Variants in SEMA3D observed in about 807,000 individuals in gnomAD.
The protein encoded by SEMA3D is semaphorin 3D.
A neutral mutation model predicts 100.1 loss-of-function variants in SEMA3D; 84 were observed. The observed-to-expected ratio is 0.84, with a 90% CI of 0.70 to 1.01. The LOEUF (loss-of-function observed/expected upper bound fraction) is 1.01, where lower values mean the gene tolerates loss of function less well. Ranked by LOEUF, SEMA3D falls within the 50% of genes least tolerant of loss-of-function variation. SEMA3D has a pLI of 0.00. For synonymous variants in SEMA3D, 312 were observed against 320.7 expected, an observed-to-expected ratio of 0.97 and a Z score of 0.29; for missense variants, 875 against 934.1, an observed-to-expected ratio of 0.94 and a Z score of 0.82.
intron 11 of SEMA3D, among the ~76,000 whole-genome samples, chr7:85,038,184 A>C (rs960532048): frequency 6.6e-6 from 1 of 152,174 alleles, no homozygotes; most frequent in African/African-American, 2.4e-5. Flanking sequence ...GTACCCTAAA[A>C]CTTAAAGTAT....
chr7:85,040,691 C>T lies in SEMA3D; in HGVS notation c.1028G>A (p.Gly343Glu). The change falls in exon 11 of 19, where the codon GGA (glycine) becomes GAA (glutamate). Residue 343 changes from glycine to glutamate, a missense_variant. Physicochemically the swap from Gly to Glu is moderately conservative, Grantham distance 98 (BLOSUM62 -2). Transcript: ENST00000284136. ...TRDERNPVVYGVFTTTSSIFK... is the reference protein window; with the variant it reads ...TRDERNPVVYEVFTTTSSIFK... ...AACATACCTGGTTGTAGTAAAGACT[C>T]CATATACTACAGGATTTCTTTCATC... 1 of 1,476,080 alleles carries T rather than the reference C, an allele frequency of 6.8e-7. No individual in the cohort carries two copies. The highest frequency in any genetic ancestry group is 1.1e-5 in the South Asian group (1 of 86,978). 91.4% of individuals were successfully genotyped at this position (1,476,080 alleles called of 1,614,324 possible).
In SEMA3D at chr7:85,015,921, A is replaced by G. The variant is rs113404992; in HGVS notation, c.1546-705T>C. The stretch of plus-strand genomic sequence containing the variant: ...TGGAGGGGGAGGGGTGATACAAGTG[A>G]ATAAGCCACAATCTGTGCCTTCAAA... On this transcript the variant is annotated intron_variant, in intron 15 of 18. Transcript: ENST00000284136. Among the ~76,000 whole-genome samples the G allele has an allele frequency of 4.0e-5, 6 of 151,808 alleles. 1 individual carries two copies. Among genetic ancestry groups the G allele is most frequent in the African/African-American group, 1.4e-4 (6 of 41,466 alleles).
chr7:85,042,111 G>T (rs1790880696), intron 10 of SEMA3D, 60 bp downstream of exon 10: 2 of 1,143,254 alleles, frequency 1.7e-6, no homozygotes, highest in Middle Eastern at 2.0e-4. Flanking sequence ...GGAAATAAAT[G>T]CCAAGTTACT....
In SEMA3D at chr7:84,997,133, T is replaced by C. The variant is rs1022514139; in HGVS notation, c.*2307A>G. The C allele has an allele frequency of 6.6e-6, 1 of 151,962 alleles. No individual in the cohort carries two copies. Among genetic ancestry groups the C allele is most frequent in the African/African-American group, 2.4e-5 (1 of 41,436 alleles). 9.4% of individuals were successfully genotyped at this position (151,962 alleles called of 1,614,324 possible). ...TGTGGTCATAAAATAAGTTTCCAAA[T>C]TTTGTCTGAATAACTAGGATTAGAA... On this transcript the variant is annotated 3_prime_UTR_variant, in exon 19 of 19. Transcript: ENST00000284136.
At chr7:85,201,201 G>T in the SEMA3D span, among the ~76,000 whole-genome samples, 1 of 152,074 alleles carries the variant, frequency 6.6e-6, no homozygotes, top group Non-Finnish European at 1.5e-5. Flanking sequence ...AGGATGCTTG[G>T]TTTCCACCAT....
the SEMA3D span, among the ~76,000 whole-genome samples, chr7:85,230,574 C>T: frequency 6.6e-6 from 1 of 152,130 alleles, no homozygotes. Context: ...TTCCCTTTTC[C>T]TCGATATCTT....
chr7:85,066,913 C>CAGAG (rs201123647), intron 7 of SEMA3D, among the ~76,000 whole-genome samples: 1,492 of 127,798 alleles, frequency 0.012, 9 homozygotes, highest in Non-Finnish European at 0.014. Context: ...CACACACACA[C>CAGAG]AGAGAGAGAG....
At chr7:85,004,988 G>T (rs1161070351) in intron 18 of SEMA3D, among the ~76,000 whole-genome samples, 2 of 151,692 alleles carry the variant, frequency 1.3e-5, no homozygotes, top group Admixed American at 6.6e-5. Context: ...GAATTTTCAA[G>T]AAAATGAAAG....
chr7:85,138,175 G>C (rs1388253772), intron 2 of SEMA3D, among the ~76,000 whole-genome samples: 1 of 152,078 alleles, frequency 6.6e-6, no homozygotes. Flanking sequence ...CAATTATACA[G>C]AGGAAACATA....
intron 3 of SEMA3D, among the ~76,000 whole-genome samples, chr7:85,105,311 C>A (rs1182451793): frequency 3.9e-5 from 6 of 152,034 alleles, no homozygotes; most frequent in Non-Finnish European, 2.9e-5. Flanking sequence ...AGAAATACTA[C>A]AGCTTTTTGT....
chr7:85,087,772 T>C (rs1237965780), intron 4 of SEMA3D, among the ~76,000 whole-genome samples: 1 of 152,206 alleles, frequency 6.6e-6, no homozygotes, highest in Non-Finnish European at 1.5e-5. Context: ...TATTTCACAA[T>C]TGATTATTTC....
At chr7:85,036,318 A>G (rs1304232607) in intron 12 of SEMA3D, among the ~76,000 whole-genome samples, 3 of 152,096 alleles carry the variant, frequency 2.0e-5, no homozygotes, top group African/African-American at 4.8e-5. Context: ...TCTTACTTAC[A>G]TCATTTGTGC....
At chr7:85,162,950 G>A in intron 1 of SEMA3D, 2 of 403,872 alleles carry the variant, frequency 5.0e-6, no homozygotes, top group Non-Finnish European at 6.7e-6. Context: ...CTGAGTCAGC[G>A]ACTGAATGTC....
At chr7:85,127,300 A>G (rs1583949604) in intron 2 of SEMA3D, among the ~76,000 whole-genome samples, 1 of 152,148 alleles carries the variant, frequency 6.6e-6, no homozygotes. Context: ...TTTAAACATT[A>G]TGTTTGCATT....
the SEMA3D span, among the ~76,000 whole-genome samples, chr7:85,225,053 TATATA>T: frequency 0.017 from 30 of 1,734 alleles, no homozygotes; most frequent in South Asian, 0.048. Flanking sequence ...TTTTCTTTTA[TATATA>T]TATATATATA....
intron 2 of SEMA3D, chr7:85,140,575 A>G: frequency 1.1e-6 from 1 of 931,048 alleles, no homozygotes; most frequent in South Asian, 5.0e-5. Flanking sequence ...GCAGAGTTTT[A>G]TCTATATCTA....
At chr7:85,078,436 A>G (rs886634235) in intron 5 of SEMA3D, among the ~76,000 whole-genome samples, 12 of 152,194 alleles carry the variant, frequency 7.9e-5, no homozygotes, top group African/African-American at 2.9e-4. Flanking sequence ...CTGTGTGGAC[A>G]GGCTGTGCCC....
intron 3 of SEMA3D, among the ~76,000 whole-genome samples, chr7:85,111,230 A>G (rs891829220): frequency 2.6e-5 from 4 of 151,980 alleles, no homozygotes; most frequent in African/African-American, 7.2e-5. Context: ...AAAAATTTCT[A>G]TATGTTAATG....
At chr7:85,176,666 T>C (rs973726654) in intron 1 of SEMA3D, among the ~76,000 whole-genome samples, 1 of 151,920 alleles carries the variant, frequency 6.6e-6, no homozygotes, top group Non-Finnish European at 1.5e-5. Context: ...AAGGAAAGCT[T>C]CCTGAGAGAC....
Sources: allele counts gnomAD v4.1 joint callset (sites outside exome capture counted in the v4.1 genomes callset), GRCh38; gene constraint gnomAD v4.1.1; transcripts MANE v1.5; gene names NCBI Gene and HGNC (gene_info 2026-07-23, HGNC 2026-07-21).